MEF2C: variants seen among roughly 807,000 people sequenced by gnomAD.
The protein encoded by MEF2C is myocyte-specific enhancer factor 2C.
A neutral mutation model predicts 50.5 loss-of-function variants in MEF2C; 6 were observed. That is an observed-to-expected ratio of 0.12 (90% CI 0.07 to 0.23). The LOEUF (loss-of-function observed/expected upper bound fraction) is 0.23, where lower values mean the gene tolerates loss of function less well. Among genes scored for constraint, MEF2C ranks in the 10% least tolerant of loss-of-function variants. MEF2C has a pLI of 1.00. For synonymous variants in MEF2C, 183 were observed against 228.0 expected (o/e 0.80, Z 1.78); for missense variants, 276 against 605.0 (o/e 0.46, Z 5.70).
intron 1 of MEF2C, among the ~76,000 whole-genome samples, chr5:88,888,723 T>TTTG (rs1278179155): frequency 1.3e-5 from 2 of 148,906 alleles, no homozygotes; most frequent in Non-Finnish European, 3.0e-5. Context: ...TGGTAAGGTT[T>TTTG]TTTTTTTTTT....
rs1756542247 is a variant in MEF2C at position 88,722,129 on chromosome 5, T to C, written c.*475A>G. The C allele has an allele frequency of 6.4e-6, 1 of 155,754 alleles. No individual in the cohort carries two copies. Among genetic ancestry groups the C allele is most frequent in the African/African-American group, 2.4e-5 (1 of 41,448 alleles). 9.6% of individuals were successfully genotyped at this position (155,754 alleles called of 1,614,324 possible). ...ATTCTTGGGATGTCAGGTGACCTGGTGTGTTCCTAACATTTACCAATGGCC... is the reference window on the plus strand; with the variant it reads ...ATTCTTGGGATGTCAGGTGACCTGGCGTGTTCCTAACATTTACCAATGGCC... On this transcript the variant is annotated 3_prime_UTR_variant, in exon 11 of 11. Transcript: ENST00000504921.
intron 1 of MEF2C, among the ~76,000 whole-genome samples, chr5:88,830,826 C>G (rs1250184983): frequency 6.6e-6 from 1 of 152,126 alleles, no homozygotes; most frequent in African/African-American, 2.4e-5. Context: ...TATGACAAAG[C>G]AAGAGCTACA....
At chr5:88,900,209 TATC>T (rs1835500670) in intron 1 of MEF2C, among the ~76,000 whole-genome samples, 1 of 151,884 alleles carries the variant, frequency 6.6e-6, no homozygotes, top group Non-Finnish European at 1.5e-5. Context: ...GCACAAATAT[TATC>T]AACAAATTAT....
intron 1 of MEF2C, among the ~76,000 whole-genome samples, chr5:88,863,824 C>CTTTT (rs369890636): frequency 2.8e-5 from 4 of 142,638 alleles, no homozygotes; most frequent in African/African-American, 1.0e-4. Context: ...ATTTCTTTTT[C>CTTTT]TTTTTTTTTT....
intron 3 of MEF2C, chr5:88,772,737 A>G: frequency 1.0e-6 from 1 of 985,436 alleles, no homozygotes; most frequent in Non-Finnish European, 1.2e-6. Context: ...CTAATAAACC[A>G]GCCTGCTCTT....
At chr5:88,813,802 T>G (rs1377907347) in intron 2 of MEF2C, among the ~76,000 whole-genome samples, 2 of 152,170 alleles carry the variant, frequency 1.3e-5, no homozygotes, top group Non-Finnish European at 2.9e-5. Context: ...AATAGTAGTT[T>G]CTTTGTTTTA....
intron 4 of MEF2C, among the ~76,000 whole-genome samples, chr5:88,758,134 G>C (rs1776211501): frequency 6.6e-6 from 1 of 151,982 alleles, no homozygotes; most frequent in African/African-American, 2.4e-5. Context: ...CTTCTCCTCT[G>C]CATGTAAATA....
intron 6 of MEF2C, chr5:88,743,035 T>C (rs1767585637): frequency 1.0e-6 from 1 of 971,868 alleles, no homozygotes; most frequent in Non-Finnish European, 1.2e-6. Context: ...TGCCAATGAA[T>C]TCAGAATTTT....
intron 3 of MEF2C, among the ~76,000 whole-genome samples, chr5:88,796,297 A>G (rs1458557185): frequency 2.0e-5 from 3 of 152,248 alleles, no homozygotes; most frequent in South Asian, 4.2e-4. Flanking sequence ...TAGCCTATTA[A>G]TTACTGCCTC....
intron 1 of MEF2C, among the ~76,000 whole-genome samples, chr5:88,836,391 A>AT: frequency 6.6e-6 from 1 of 152,098 alleles, no homozygotes; most frequent in South Asian, 2.1e-4. Context: ...CCCAGTCATG[A>AT]CTGCATACAA....
chr5:88,821,598 A>G (rs1034692928), intron 2 of MEF2C, among the ~76,000 whole-genome samples: 1 of 151,918 alleles, frequency 6.6e-6, no homozygotes, highest in Non-Finnish European at 1.5e-5. Flanking sequence ...TTGTTACAAC[A>G]TGAGTGAAAC....
chr5:88,734,576 T>TTG, intron 6 of MEF2C: 7 of 856,636 alleles, frequency 8.2e-6, no homozygotes, highest in Non-Finnish European at 9.5e-6. Flanking sequence ...TTTTTTTTTT[T>TTG]TTTTTTTTTT....
In MEF2C at chr5:88,874,765, A is replaced by G. The variant is rs573114154; in HGVS notation, c.-143+8190T>C. 2.0e-5 allele frequency among the ~76,000 whole-genome samples: 3 copies of G among 152,120 alleles called. No individual in the cohort carries two copies. In the South Asian group the frequency reaches 6.2e-4, roughly 32 times the overall value. On this transcript the variant is annotated intron_variant, in intron 1 of 10. Transcript: ENST00000504921. Reference sequence around the variant, plus strand: ...TAATTTGGTAAATTTCATATAGGCAATTAATAATTAGTGTAGTGGGTTAAC... The same window carrying G: ...TAATTTGGTAAATTTCATATAGGCAGTTAATAATTAGTGTAGTGGGTTAAC...
Position 88,722,571 on chromosome 5 carries a change from GAA to G in MEF2C, c.*31_*32del, listed in dbSNP as rs56660854. On this transcript the variant is annotated 3_prime_UTR_variant, in exon 11 of 11. Transcript: ENST00000504921. ...GGTATAGCACACACACACACTGCAAGAAAAAAAAAAAAACTAGTAAGTAATAA... is the reference window on the plus strand; with the variant it reads ...GGTATAGCACACACACACACTGCAAGAAAAAAAAAAACTAGTAAGTAATAA... 1,832 of 1,316,828 alleles carry G rather than the reference GAA, an allele frequency of 1.4e-3. 9 individuals are homozygous for G. In the African/African-American group the frequency reaches 0.016, roughly 11 times the overall value. The allele number at this position is 1,316,828 out of a possible 1,614,324, so 81.6% of individuals were successfully genotyped here.
intron 1 of MEF2C, among the ~76,000 whole-genome samples, chr5:88,889,816 G>T (rs980293228): frequency 4.6e-5 from 7 of 152,126 alleles, no homozygotes; most frequent in African/African-American, 1.7e-4. Flanking sequence ...CTGGGCTGGA[G>T]AAATGCGATC....
intron 4 of MEF2C, among the ~76,000 whole-genome samples, chr5:88,755,513 T>A (rs973626752): frequency 2.0e-5 from 3 of 152,214 alleles, no homozygotes; most frequent in East Asian, 3.8e-4. Flanking sequence ...TTTATTATCT[T>A]TGGACCATGT....
intron 3 of MEF2C, among the ~76,000 whole-genome samples, chr5:88,777,350 TG>T (rs1785261679): frequency 6.6e-6 from 1 of 152,190 alleles, no homozygotes; most frequent in Admixed American, 6.5e-5. Flanking sequence ...CCCGTGGCTT[TG>T]CATGGGTCTT....
In MEF2C at chr5:88,742,761, C is replaced by T. The variant is rs967931547; in HGVS notation, c.637+6309G>A. ...CTGCCTTTCCCACTTCAACATGAGC[C>T]CCTAGAGAATGGTATCAAGGTAATG... On this transcript the variant is annotated intron_variant, in intron 6 of 10. Coordinates refer to ENST00000504921, the MANE Select transcript of MEF2C (RefSeq NM_002397.5). 16 of 985,178 alleles carry T rather than the reference C, an allele frequency of 1.6e-5. No homozygotes were observed. In the Admixed American group the frequency reaches 3.1e-4, roughly 19 times the overall value. 61.0% of individuals were successfully genotyped at this position (985,178 alleles called of 1,614,324 possible).
intron 1 of MEF2C, among the ~76,000 whole-genome samples, chr5:88,832,359 A>T (rs78621066): frequency 6.6e-6 from 1 of 151,916 alleles, no homozygotes; most frequent in African/African-American, 2.4e-5. Flanking sequence ...TTTTTTTTTA[A>T]CATTTGAAAT....
Sources: gnomAD v4.1 joint callset for allele counts (sites outside exome capture counted in the v4.1 genomes callset) on GRCh38, gnomAD v4.1.1 for gene constraint, MANE v1.5 for transcripts, NCBI Gene and HGNC (gene_info 2026-07-23, HGNC 2026-07-21) for gene names.